The following PKHD1 variants were observed in gnomAD, a reference collection of about 807,000 sequenced individuals.
PKHD1 encodes PKHD1 ciliary IPT domain containing fibrocystin/polyductin, also known as fibrocystin.
A neutral mutation model predicts 412.0 loss-of-function variants in PKHD1; 291 were observed. The ratio of observed to expected loss-of-function variants is 0.71; its 90% CI spans 0.64 to 0.78. The LOEUF (loss-of-function observed/expected upper bound fraction) is 0.78. PKHD1 is among the 30% of genes least tolerant of loss of function. The pLI, the probability that PKHD1 is intolerant of heterozygous loss-of-function variation, is 0.00. For missense variants in PKHD1, 4,825 were observed against 4,950.7 expected (o/e 0.97, Z 0.76); for synonymous variants, 1,777 against 1,821.5 (o/e 0.98, Z 0.62).
rs530485672 is a variant in PKHD1 at position 51,664,380 on chromosome 6, G to A, written c.10157-4411C>T. ...ATCGTGCAGGGTTGGAGCCCGAGAG[G>A]GCACAATCTCTGCTGAAAGTGTGTG... On this transcript the variant is annotated intron_variant, in intron 60 of 66. Transcript: ENST00000371117. Among the ~76,000 whole-genome samples, 80 of 152,274 alleles carry A rather than the reference G, an allele frequency of 5.3e-4. 2 individuals are homozygous for A. In the South Asian group the frequency reaches 0.016, roughly 31 times the overall value.
chr6:51,811,892 T>A lies in PKHD1; in HGVS notation c.8302+18969A>T, dbSNP rs559474071. ...ATGGTTCTTGATATTTTGCTTTGTATATTTTTACATTATTTTGAACAGAAA... is the reference window on the plus strand; with the variant it reads ...ATGGTTCTTGATATTTTGCTTTGTAAATTTTTACATTATTTTGAACAGAAA... On this transcript the variant is annotated intron_variant, in intron 52 of 66. Coordinates refer to ENST00000371117, the MANE Select transcript of PKHD1 (RefSeq NM_138694.4). Among the ~76,000 whole-genome samples, 135 of 152,222 alleles carry A rather than the reference T, an allele frequency of 8.9e-4. 1 individual carries two copies. Among genetic ancestry groups the A allele is most frequent in the Non-Finnish European group, 1.5e-3 (105 of 68,040 alleles).
chr6:51,843,127 G>C (rs532061452), intron 50 of PKHD1, among the ~76,000 whole-genome samples: 128 of 152,304 alleles, frequency 8.4e-4, no homozygotes, highest in Non-Finnish European at 1.5e-3. Flanking sequence ...CGAGAGGATC[G>C]TTAGAGAGGC....
chr6:51,929,028 C>T (rs574323958), intron 37 of PKHD1, among the ~76,000 whole-genome samples: 5 of 151,914 alleles, frequency 3.3e-5, no homozygotes, highest in Admixed American at 6.6e-5. Flanking sequence ...CTCAAGGGAA[C>T]GAGAGACAGA....
chr6:52,059,469 A>G (rs2128214737), intron 15 of PKHD1, among the ~76,000 whole-genome samples: 1 of 151,732 alleles, frequency 6.6e-6, no homozygotes, highest in South Asian at 2.1e-4. Flanking sequence ...GGCTGGTCTC[A>G]AACTCCTGGG....
At chr6:51,854,489 C>T (rs1583046504) in intron 49 of PKHD1, among the ~76,000 whole-genome samples, 1 of 152,162 alleles carries the variant, frequency 6.6e-6, no homozygotes, top group Non-Finnish European at 1.5e-5. Flanking sequence ...GAAACCCACT[C>T]GTCTGGGCTG....
At chr6:51,656,417 G>C (rs191783632) in intron 61 of PKHD1, among the ~76,000 whole-genome samples, 28 of 152,176 alleles carry the variant, frequency 1.8e-4, no homozygotes, top group East Asian at 9.7e-4. Context: ...TAGATGGCAG[G>C]TTGATAGGTG....
chr6:51,884,569 C>A (rs1362429174), intron 45 of PKHD1, among the ~76,000 whole-genome samples: 3 of 152,172 alleles, frequency 2.0e-5, no homozygotes, highest in African/African-American at 7.2e-5. Flanking sequence ...TATAAAAGTG[C>A]AATTCCAAGA....
At chr6:51,831,413 T>C (rs1768223127) in intron 51 of PKHD1, among the ~76,000 whole-genome samples, 1 of 152,232 alleles carries the variant, frequency 6.6e-6, no homozygotes, top group African/African-American at 2.4e-5. Context: ...GTTCTACTTT[T>C]GCTTAGCTTA....
At chr6:52,065,150 T>TAGAG (rs1809387865) in intron 12 of PKHD1, 100 bp from the exon 13 acceptor site, 1 of 74,450 alleles carries the variant, frequency 1.3e-5, no homozygotes, top group African/African-American at 6.9e-5. Context: ...TATATATATA[T>TAGAG]ATATATATAT....
At chr6:51,799,753 G>A (rs2151314051) in intron 52 of PKHD1, among the ~76,000 whole-genome samples, 1 of 152,252 alleles carries the variant, frequency 6.6e-6, no homozygotes, top group South Asian at 2.1e-4. Flanking sequence ...TCTCTTTTGA[G>A]GAGTGGAAAG....
At chr6:51,982,185 T>A (rs1246741419) in intron 35 of PKHD1, among the ~76,000 whole-genome samples, 247 of 18,710 alleles carry the variant, frequency 0.013, no homozygotes, top group East Asian at 0.02. Context: ...GGGAGGGAGG[T>A]GGGGGGGTCA....
intron 60 of PKHD1, among the ~76,000 whole-genome samples, chr6:51,720,564 T>C (rs1162602991): frequency 6.6e-6 from 1 of 152,160 alleles, no homozygotes; most frequent in Non-Finnish European, 1.5e-5. Context: ...TTGGTTTCAG[T>C]TTAAACGCAC....
intron 39 of PKHD1, among the ~76,000 whole-genome samples, chr6:51,910,732 C>T (rs1459215669): frequency 6.6e-6 from 1 of 151,842 alleles, no homozygotes; most frequent in African/African-American, 2.4e-5. Flanking sequence ...CCCAATTCTG[C>T]AGAATTGATA....
intron 60 of PKHD1, among the ~76,000 whole-genome samples, chr6:51,671,239 G>C (rs1313613097): frequency 6.6e-6 from 1 of 151,934 alleles, no homozygotes; most frequent in Non-Finnish European, 1.5e-5. Flanking sequence ...TGGAGGCTTT[G>C]CTCGTTTCTT....
intron 60 of PKHD1, among the ~76,000 whole-genome samples, chr6:51,704,992 TG>T (rs1197267562): frequency 6.6e-6 from 1 of 151,964 alleles, no homozygotes; most frequent in East Asian, 1.9e-4. Context: ...TCTGAGGTAG[TG>T]GTGGCTCCCA....
intron 33 of PKHD1, 122 bp from the exon 34 acceptor site, chr6:52,017,751 C>CT (rs1362798547): frequency 1.3e-6 from 1 of 754,106 alleles, no homozygotes; most frequent in Non-Finnish European, 2.4e-6. Context: ...TAGCAGTTTA[C>CT]TTTTTTTAAA....
At chr6:51,781,956 T>C (rs1481177100) in intron 53 of PKHD1, among the ~76,000 whole-genome samples, 1 of 129,472 alleles carries the variant, frequency 7.7e-6, no homozygotes, top group Non-Finnish European at 1.8e-5. Context: ...CTGTAAGTTT[T>C]CTAACTAAAA....
chr6:51,822,318 AGTTT>A (rs1766577354), intron 52 of PKHD1, among the ~76,000 whole-genome samples: 1 of 152,152 alleles, frequency 6.6e-6, no homozygotes, highest in Non-Finnish European at 1.5e-5. Flanking sequence ...CAGAGGATAT[AGTTT>A]ATTCTCAAGC....
In PKHD1 at chr6:52,083,248, G is replaced by C; in HGVS notation, c.60C>G (p.His20Gln). ...CTTCAGGTTCAATATGTAAACTCAG[G>C]TGACGTACTGTAAGTAAGTGAAAAA... ...SIEVLLLAVR[H>Q]LSLHIEPEEG... The change falls in exon 3 of 67, where the codon CAC (histidine) becomes CAG (glutamine). Residue 20 changes from histidine to glutamine, a missense_variant. Coordinates refer to ENST00000371117, the MANE Select transcript of PKHD1 (RefSeq NM_138694.4). The C allele has an allele frequency of 6.2e-7, 1 of 1,600,580 alleles. No homozygotes were observed. The highest frequency in any genetic ancestry group is 8.6e-7 in the Non-Finnish European group (1 of 1,167,662).
Sources: allele counts gnomAD v4.1 joint callset (sites outside exome capture counted in the v4.1 genomes callset), GRCh38; gene constraint gnomAD v4.1.1; transcripts MANE v1.5; gene names NCBI Gene and HGNC (gene_info 2026-07-23, HGNC 2026-07-21).